LRRK2: variants seen among roughly 807,000 people sequenced by gnomAD.
LRRK2 encodes the protein leucine rich repeat kinase 2.
A neutral mutation model predicts 302.6 loss-of-function variants in LRRK2; 203 were observed. That is an observed-to-expected ratio of 0.67 (90% CI 0.60 to 0.75). The LOEUF (loss-of-function observed/expected upper bound fraction) is 0.75. Ranked by LOEUF, LRRK2 falls within the 30% of genes least tolerant of loss-of-function variation. The pLI, the probability that LRRK2 is intolerant of heterozygous loss-of-function variation, is 0.00. For missense variants in LRRK2, 2,830 were observed against 2,951.0 expected (o/e 0.96, Z 0.95); for synonymous variants, 1,066 against 1,031.9 (o/e 1.03, Z -0.63).
chr12:40,251,117 C>T (rs1169917296), intron 8 of LRRK2, 115 bp from the exon 9 acceptor site: 1 of 678,936 alleles, frequency 1.5e-6, no homozygotes, highest in African/African-American at 1.8e-5. Flanking sequence ...CAAGGCTTCT[C>T]CTAAAGCACA....
Position 40,239,262 on chromosome 12 carries a change from C to T in LRRK2, c.571+1159C>T, listed in dbSNP as rs28365214. Among the ~76,000 whole-genome samples, 68 of 152,252 alleles carry T rather than the reference C, an allele frequency of 4.5e-4. No individual in the cohort carries two copies. In the East Asian group the frequency reaches 0.013, roughly 28 times the overall value. On this transcript the variant is annotated intron_variant, in intron 5 of 50. Transcript: ENST00000298910. ...GTCAGAATAGCATGGGCCTGGTACC[C>T]AGCTCTTTGATAATCATACACCGTG...
At chr12:40,287,931 T>C (rs1592227596) in intron 20 of LRRK2, among the ~76,000 whole-genome samples, 1 of 152,032 alleles carries the variant, frequency 6.6e-6, no homozygotes, top group Non-Finnish European at 1.5e-5. Flanking sequence ...TCTGCAACAA[T>C]GCTTGGCAAA....
Position 40,252,912 on chromosome 12 carries a change from T to A in LRRK2, c.1184T>A (p.Phe395Tyr). 1 of 1,611,546 alleles carries A rather than the reference T, an allele frequency of 6.2e-7. No homozygotes were observed. The highest frequency in any genetic ancestry group is 1.7e-5 in the Admixed American group (1 of 59,978). Reference protein sequence around the residue: ...HEKIGDEDGHFPAHREVMLSM... With the variant: ...HEKIGDEDGHYPAHREVMLSM... ...CATTTTGTTTGAATTTTTGAAAGTT[T>A]CCCAGCTCATAGGGAAGTGATGCTC... is the stretch of plus-strand genomic sequence containing the variant. Residue 395 changes from phenylalanine (F) to tyrosine (Y), a missense_variant and splice_region_variant, in exon 11 of 51, where the codon TTC becomes TAC. Phe to Tyr is a conservative substitution (Grantham distance 22, BLOSUM62 3). This residue lies in a region of LRRK2 where 2,121 missense variants were observed against 2,148.0 expected (regional missense o/e 0.99). Transcript: ENST00000298910.
intron 4 of LRRK2, among the ~76,000 whole-genome samples, chr12:40,237,021 G>T (rs1941499055): frequency 6.6e-6 from 1 of 152,054 alleles, no homozygotes; most frequent in Non-Finnish European, 1.5e-5. Flanking sequence ...AATAGATGCT[G>T]TTTGTGTTAA....
At chr12:40,293,519 A>C in intron 20 of LRRK2, 26 bp from the exon 21 acceptor site, 5 of 1,406,412 alleles carry the variant, frequency 3.6e-6, no homozygotes, top group Non-Finnish European at 5.0e-6. Context: ...ATTCACCTTC[A>C]TGTTATTTTA....
intron 39 of LRRK2, among the ~76,000 whole-genome samples, chr12:40,334,169 T>C (rs1945799877): frequency 6.6e-6 from 1 of 152,218 alleles, no homozygotes; most frequent in Non-Finnish European, 1.5e-5. Flanking sequence ...GTAGTGGCTA[T>C]AGAGAATCCT....
intron 28 of LRRK2, among the ~76,000 whole-genome samples, chr12:40,306,975 C>G (rs1944846913): frequency 6.6e-6 from 1 of 151,952 alleles, no homozygotes; most frequent in South Asian, 2.1e-4. Context: ...AAAATTGGTT[C>G]AGTTCTTACT....
At chr12:40,247,125 A>G (rs1319022058) in intron 7 of LRRK2, among the ~76,000 whole-genome samples, 2 of 152,274 alleles carry the variant, frequency 1.3e-5, no homozygotes, top group East Asian at 3.9e-4. Flanking sequence ...TGAAAAAACT[A>G]ATTGACATGT....
intron 28 of LRRK2, 74 bp from the exon 29 acceptor site, chr12:40,308,393 G>A (rs1944910315): frequency 5.3e-6 from 6 of 1,135,338 alleles, no homozygotes; most frequent in Middle Eastern, 2.7e-4. Flanking sequence ...AGTGTGACAT[G>A]TAAAAGAACT....
intron 46 of LRRK2, 23 bp from the exon 47 acceptor site, chr12:40,359,237 G>GTTTT: frequency 6.7e-7 from 1 of 1,502,108 alleles, no homozygotes; most frequent in Non-Finnish European, 8.9e-7. Context: ...TGCTGAGTGT[G>GTTTT]TTTTCTTTTT....
intron 14 of LRRK2, among the ~76,000 whole-genome samples, chr12:40,267,825 C>A (rs1943085442): frequency 6.6e-6 from 1 of 152,140 alleles, no homozygotes; most frequent in Non-Finnish European, 1.5e-5. Flanking sequence ...CTCCAAAATT[C>A]TGTGATTGCA....
intron 3 of LRRK2, among the ~76,000 whole-genome samples, chr12:40,234,982 A>G (rs1941382400): frequency 6.6e-6 from 1 of 152,172 alleles, no homozygotes; most frequent in African/African-American, 2.4e-5. Flanking sequence ...TTTAAATGAG[A>G]CACATAATAG....
chr12:40,343,590 CT>C (rs1197869046), intron 41 of LRRK2, among the ~76,000 whole-genome samples: 3 of 152,142 alleles, frequency 2.0e-5, no homozygotes, highest in Admixed American at 2.0e-4. Flanking sequence ...ATCCGTGGAT[CT>C]TTTCTTTATT....
At chr12:40,239,710 G>A (rs1050675990) in intron 5 of LRRK2, among the ~76,000 whole-genome samples, 7 of 152,028 alleles carry the variant, frequency 4.6e-5, no homozygotes, top group Non-Finnish European at 8.8e-5. Flanking sequence ...AGACCATAAA[G>A]TGAGAAAGTT....
chr12:40,346,901 AG>A lies in LRRK2; in HGVS notation c.6259del (p.Glu2087LysfsTer24). On this transcript the variant is annotated frameshift_variant, in exon 42 of 51. Transcript: ENST00000298910. LOFTEE classifies it high-confidence loss of function. ...AGTTTCCAAATGAGTTTGATGAATT[AG>A]AAATACAAGGAAAATTACCTGGTAA... Reference protein sequence around the residue: ...LKFPNEFDELEIQGKLPDPVK... With the variant: ...LKFPNEFDELXIQGKLPDPVK... 1.2e-6 allele frequency: 2 copies of A among 1,611,896 alleles called. No individual in the cohort carries two copies. The highest frequency in any genetic ancestry group is 1.7e-6 in the Non-Finnish European group (2 of 1,179,436).
Position 40,322,220 on chromosome 12 carries a change from A to G in LRRK2, c.5317+39A>G, listed in dbSNP as rs1945423737. ...TTTGAATGTTTTCAATTGCAACACT[A>G]AAGAAATTTAAACTTAAAAAAAAAA... On this transcript the variant is annotated intron_variant, in intron 36 of 50. Transcript: ENST00000298910. 6.3e-6 allele frequency: 10 copies of G among 1,583,160 alleles called. No homozygotes were observed. In the East Asian group the frequency reaches 1.1e-4, roughly 18 times the overall value.
At chr12:40,331,822 A>C (rs962466619) in intron 39 of LRRK2, among the ~76,000 whole-genome samples, 2 of 152,108 alleles carry the variant, frequency 1.3e-5, no homozygotes, top group African/African-American at 4.8e-5. Flanking sequence ...CATGGGAGGT[A>C]CTCACCATAG....
In LRRK2 at chr12:40,356,102, T is replaced by A. The variant is rs1257576670; in HGVS notation, c.6771-13T>A. On this transcript the variant is annotated splice_polypyrimidine_tract_variant and intron_variant, in intron 45 of 50. Transcript: ENST00000298910. ...TGTTCTTTTTGTAACAATTTCAACA[T>A]TTTTCCTTTTAGCAAACAAAAAAAT... The A allele has an allele frequency of 4.4e-6, 7 of 1,595,266 alleles. No individual in the cohort carries two copies. Among genetic ancestry groups the A allele is most frequent in the Non-Finnish European group, 6.0e-6 (7 of 1,165,650 alleles).
intron 11 of LRRK2, among the ~76,000 whole-genome samples, chr12:40,255,470 G>A (rs542509427): frequency 1.3e-5 from 2 of 152,298 alleles, no homozygotes; most frequent in South Asian, 4.1e-4. Context: ...AGTCTAACGT[G>A]ACTTTATGAT....
Sources: gnomAD v4.1 joint callset for allele counts (sites outside exome capture counted in the v4.1 genomes callset) on GRCh38, gnomAD v4.1.1 for gene constraint, gnomAD v4.1.1 regional missense constraint, MANE v1.5 for transcripts, NCBI Gene and HGNC (gene_info 2026-07-23, HGNC 2026-07-21) for gene names.